The following ANXA8 variants were observed in gnomAD, a reference collection of about 807,000 sequenced individuals.
ANXA8 encodes the protein annexin A8, also known as VAC-beta.
Under a neutral mutation model 26.8 loss-of-function variants are expected in ANXA8, and 9 were observed. That is an observed-to-expected ratio of 0.34 (90% CI 0.20 to 0.59). ANXA8 has a LOEUF of 0.59. Ranked by LOEUF, ANXA8 falls within the 20% of genes least tolerant of loss-of-function variation. The pLI, the probability that ANXA8 is intolerant of heterozygous loss-of-function variation, is 0.84. For missense variants in ANXA8, 83 were observed against 238.5 expected (o/e 0.35, Z 4.29); for synonymous variants, 39 against 94.8 (o/e 0.41, Z 3.42).
chr10:47,514,164 CA>C, the ANXA8 span, among the ~76,000 whole-genome samples: 1 of 143,444 alleles, frequency 7.0e-6, no homozygotes, highest in African/African-American at 2.6e-5. Flanking sequence ...ATGAGGAACT[CA>C]AACAAATTAC....
At chr10:47,736,945 G>T in the ANXA8 span, among the ~76,000 whole-genome samples, 1 of 151,860 alleles carries the variant, frequency 6.6e-6, no homozygotes, top group Non-Finnish European at 1.5e-5. Flanking sequence ...GTGAACCACT[G>T]CGCCCAGCCT....
upstream of ANXA8, among the ~76,000 whole-genome samples, chr10:47,488,940 C>T (rs1840096672): frequency 6.8e-6 from 1 of 147,852 alleles, no homozygotes. Context: ...TGGTCTGGAT[C>T]TCCTGACCTC....
the ANXA8 span, among the ~76,000 whole-genome samples, chr10:47,689,427 C>T: frequency 0.048 from 7,263 of 151,448 alleles, 336 homozygotes; most frequent in African/African-American, 0.17. Context: ...CCACCTGCCT[C>T]GGCCTCCCAA....
the ANXA8 span, among the ~76,000 whole-genome samples, chr10:47,559,174 C>T: frequency 1.0e-3 from 67 of 64,234 alleles, 1 homozygote; most frequent in Middle Eastern, 0.019. Context: ...TTTTTTGAGG[C>T]GGAGTCTCAA....
the ANXA8 span, among the ~76,000 whole-genome samples, chr10:47,764,002 GC>G: frequency 6.6e-6 from 1 of 151,940 alleles, no homozygotes; most frequent in South Asian, 2.1e-4. Context: ...GAACTGGGGT[GC>G]CCCACTGGGC....
chr10:47,630,959 T>C, the ANXA8 span, among the ~76,000 whole-genome samples: 1 of 149,922 alleles, frequency 6.7e-6, no homozygotes, highest in African/African-American at 2.5e-5. Context: ...TATAACAAAA[T>C]TATATATGTA....
the ANXA8 span, chr10:47,760,945 GA>G: frequency 6.6e-7 from 1 of 1,518,876 alleles, no homozygotes; most frequent in Non-Finnish European, 8.8e-7. Context: ...CAGAGTCAGG[GA>G]GACAACATGT....
At chr10:47,665,886 C>A in the ANXA8 span, among the ~76,000 whole-genome samples, 6 of 151,830 alleles carry the variant, frequency 4.0e-5, no homozygotes, top group African/African-American at 1.5e-4. Flanking sequence ...AGAGCACAAT[C>A]TGTGCATAAG....
chr10:47,690,799 T>C, the ANXA8 span: 8 of 1,609,490 alleles, frequency 5.0e-6, no homozygotes, highest in Admixed American at 1.3e-4. Context: ...AGGAATACTG[T>C]GTTCCCAACT....
At chr10:47,566,468 T>C in the ANXA8 span, among the ~76,000 whole-genome samples, 1 of 150,352 alleles carries the variant, frequency 6.7e-6, no homozygotes, top group African/African-American at 2.4e-5. Flanking sequence ...GCTCTCTCCC[T>C]TCGGGCTCCG....
chr10:47,547,742 GAATA>G, the ANXA8 span, among the ~76,000 whole-genome samples: 1 of 119,790 alleles, frequency 8.3e-6, no homozygotes, highest in Non-Finnish European at 1.7e-5. Flanking sequence ...ATATAATTCA[GAATA>G]ACTAAAAGAA....
the ANXA8 span, among the ~76,000 whole-genome samples, chr10:47,639,091 T>G: frequency 9.3e-5 from 14 of 150,096 alleles, no homozygotes; most frequent in South Asian, 2.9e-3. Context: ...TATATTAATT[T>G]TACCCCAGCT....
the ANXA8 span, among the ~76,000 whole-genome samples, chr10:47,744,391 C>T: frequency 1.6e-5 from 1 of 61,218 alleles, no homozygotes; most frequent in South Asian, 5.9e-4. Context: ...CTCTTGTCCA[C>T]ACGTGGGGAA....
chr10:47,667,880 G>A, the ANXA8 span, among the ~76,000 whole-genome samples: 1 of 151,920 alleles, frequency 6.6e-6, no homozygotes, highest in Admixed American at 6.6e-5. Flanking sequence ...TGAGATTACA[G>A]GTGTACCACC....
At chr10:47,743,307 T>TACAC in the ANXA8 span, among the ~76,000 whole-genome samples, 2 of 29,578 alleles carry the variant, frequency 6.8e-5, no homozygotes, top group Admixed American at 6.5e-4. Context: ...CATATATATA[T>TACAC]ATATACACAT....
chr10:47,775,991 G>C, the ANXA8 span, among the ~76,000 whole-genome samples: 1 of 151,888 alleles, frequency 6.6e-6, no homozygotes, highest in Non-Finnish European at 1.5e-5. Flanking sequence ...GATATGTGAA[G>C]ACGTGCCACT....
the ANXA8 span, among the ~76,000 whole-genome samples, chr10:47,982,185 G>A: frequency 6.6e-6 from 1 of 150,810 alleles, no homozygotes; most frequent in Non-Finnish European, 1.5e-5. Context: ...AGCAACTTGG[G>A]AGGCCGAGGT....
the ANXA8 span, among the ~76,000 whole-genome samples, chr10:47,974,114 C>A: frequency 3.0e-3 from 458 of 150,956 alleles, 3 homozygotes; most frequent in African/African-American, 0.01. Context: ...TATCAGTATG[C>A]CATACTGTTC....
chr10:47,746,881 C>A, the ANXA8 span, among the ~76,000 whole-genome samples: 1 of 110,078 alleles, frequency 9.1e-6, no homozygotes, highest in Non-Finnish European at 1.9e-5. Context: ...ATTGTTTAAT[C>A]CCATTCCCTG....
Sources: gnomAD v4.1 joint callset for allele counts (sites outside exome capture counted in the v4.1 genomes callset) on GRCh38, gnomAD v4.1.1 for gene constraint, MANE v1.5 for transcripts, NCBI Gene and HGNC (gene_info 2026-07-23, HGNC 2026-07-21) for gene names.